The following DEFB106A variants were observed in gnomAD, a reference collection of about 807,000 sequenced individuals.
DEFB106A encodes the protein beta-defensin 106.
For synonymous variants in DEFB106A, 1 was observed against 22.5 expected (o/e 0.04, Z 2.70); for missense variants, 4 against 63.7 (o/e 0.06, Z 3.19).
intron 1 of DEFB106A, among the ~76,000 whole-genome samples, chr8:7,826,679 T>TTC (rs1365119797): frequency 7.6e-6 from 1 of 131,088 alleles, no homozygotes; most frequent in Admixed American, 8.2e-5. Flanking sequence ...TATTTTTTTT[T>TTC]TTTTTTTGAG....
chr8:7,827,543 TGTAC>T (rs1251675042), intron 1 of DEFB106A, among the ~76,000 whole-genome samples: 1 of 120,056 alleles, frequency 8.3e-6, no homozygotes, highest in Admixed American at 9.0e-5. Flanking sequence ...CATAGTATAG[TGTAC>T]ATACTAGTAT....
chr8:7,827,908 T>A (rs1313255795), intron 1 of DEFB106A, among the ~76,000 whole-genome samples: 1 of 140,348 alleles, frequency 7.1e-6, no homozygotes, highest in Non-Finnish European at 1.6e-5. Context: ...TATGAACTGA[T>A]GTGCTGATCC....
intron 1 of DEFB106A, among the ~76,000 whole-genome samples, chr8:7,827,312 T>C (rs191079929): frequency 3.6e-4 from 43 of 119,686 alleles, no homozygotes; most frequent in African/African-American, 1.1e-3. Flanking sequence ...AATACACTAG[T>C]ATATAGTATA....
In DEFB106A at chr8:7,829,041, A is replaced by C. The variant is rs1817506385; in HGVS notation, c.*88A>C. 1 of 599,852 alleles carries C rather than the reference A, an allele frequency of 1.7e-6. No homozygotes were observed. Among genetic ancestry groups the C allele is most frequent in the Admixed American group, 3.2e-5 (1 of 31,356 alleles). 37.2% of individuals were successfully genotyped at this position (599,852 alleles called of 1,614,324 possible). On this transcript the variant is annotated 3_prime_UTR_variant, in exon 2 of 2. Transcript: ENST00000335186. ...GCTGTAGGCAGACACTTTAATAAAA[A>C]TAAATGACTGTCTTTGCTCAGTTTG... is the stretch of plus-strand genomic sequence containing the variant.
intron 1 of DEFB106A, among the ~76,000 whole-genome samples, chr8:7,827,821 T>C (rs1817462069): frequency 7.1e-6 from 1 of 141,516 alleles, no homozygotes; most frequent in Non-Finnish European, 1.6e-5. Context: ...TGCCTTACAG[T>C]AGGGCAGAGA....
At chr8:7,826,399 C>T (rs1361894401) in intron 1 of DEFB106A, among the ~76,000 whole-genome samples, 20 of 149,244 alleles carry the variant, frequency 1.3e-4, no homozygotes, top group African/African-American at 4.1e-4. Flanking sequence ...TAATTAGTTA[C>T]TATAATTATT....
intron 1 of DEFB106A, among the ~76,000 whole-genome samples, chr8:7,827,325 GTATATAC>G (rs1438346190): frequency 8.2e-6 from 1 of 121,928 alleles, no homozygotes; most frequent in Admixed American, 8.9e-5. Flanking sequence ...ATAGTATAGT[GTATATAC>G]TAGTATAATA....
chr8:7,826,817 T>G (rs1226591628), intron 1 of DEFB106A, among the ~76,000 whole-genome samples: 1 of 134,848 alleles, frequency 7.4e-6, no homozygotes, highest in Admixed American at 7.9e-5. Context: ...TACAGGCATG[T>G]GCCACCTTGC....
rs1817506311 is a variant in DEFB106A, at chr8:7,829,036, T to G, written c.*83T>G. 1.7e-6 allele frequency: 1 copy of G among 599,582 alleles called. No individual in the cohort carries two copies. Among genetic ancestry groups the G allele is most frequent in the Non-Finnish European group, 2.9e-6 (1 of 345,176 alleles). The allele number at this position is 599,582 out of a possible 1,614,324, so 37.1% of individuals were successfully genotyped here. On this transcript the variant is annotated 3_prime_UTR_variant, in exon 2 of 2. Transcript: ENST00000335186. ...CCTCTGCTGTAGGCAGACACTTTAA[T>G]AAAAATAAATGACTGTCTTTGCTCA...
intron 1 of DEFB106A, among the ~76,000 whole-genome samples, chr8:7,828,230 AT>A (rs1293080558): frequency 1.3e-5 from 2 of 149,222 alleles, no homozygotes; most frequent in Non-Finnish European, 3.0e-5. Flanking sequence ...TTAGAAAAAC[AT>A]TCCCAACATG....
At chr8:7,827,118 A>G (rs1189847231) in intron 1 of DEFB106A, among the ~76,000 whole-genome samples, 17 of 118,904 alleles carry the variant, frequency 1.4e-4, no homozygotes, top group African/African-American at 4.1e-4. Context: ...ATACTAGTAT[A>G]ATACTCTAGT....
chr8:7,827,992 C>G (rs1171428751), intron 1 of DEFB106A, among the ~76,000 whole-genome samples: 4 of 137,368 alleles, frequency 2.9e-5, no homozygotes, highest in Non-Finnish European at 6.4e-5. Context: ...AATTAGGCAC[C>G]TTTATATGTT....
chr8:7,826,813 C>G (rs1817412283), intron 1 of DEFB106A, among the ~76,000 whole-genome samples: 1 of 134,816 alleles, frequency 7.4e-6, no homozygotes, highest in Non-Finnish European at 1.6e-5. Flanking sequence ...GGATTACAGG[C>G]ATGTGCCACC....
chr8:7,827,751 C>T (rs1292723685), intron 1 of DEFB106A, among the ~76,000 whole-genome samples: 3 of 138,270 alleles, frequency 2.2e-5, no homozygotes, highest in Non-Finnish European at 3.2e-5. Context: ...CTATACTAAA[C>T]CAAAAAGATT....
chr8:7,826,531 A>G (rs1817402714), intron 1 of DEFB106A, among the ~76,000 whole-genome samples: 1 of 149,208 alleles, frequency 6.7e-6, no homozygotes, highest in Non-Finnish European at 1.5e-5. Flanking sequence ...ATTAGAGAAA[A>G]TCTTTTTGGT....
At chr8:7,826,327 CA>C (rs1162021020) in intron 1 of DEFB106A, among the ~76,000 whole-genome samples, 8 of 149,504 alleles carry the variant, frequency 5.4e-5, no homozygotes, top group East Asian at 3.9e-4. Context: ...TATAATAAGT[CA>C]AAAAAAAGAT....
chr8:7,827,441 G>C (rs1303904322), intron 1 of DEFB106A, among the ~76,000 whole-genome samples: 2 of 108,198 alleles, frequency 1.8e-5, no homozygotes, highest in African/African-American at 7.1e-5. Flanking sequence ...ATATATACTA[G>C]TATAATACTC....
chr8:7,827,883 T>C (rs1268188070), intron 1 of DEFB106A, among the ~76,000 whole-genome samples: 4 of 140,494 alleles, frequency 2.8e-5, no homozygotes, highest in Admixed American at 1.5e-4. Flanking sequence ...TTTGAAATAG[T>C]GGAGTATTTT....
chr8:7,827,718 A>T (rs1409924005), intron 1 of DEFB106A, among the ~76,000 whole-genome samples: 1 of 135,572 alleles, frequency 7.4e-6, no homozygotes, highest in African/African-American at 2.5e-5. Flanking sequence ...TTTTTATAGT[A>T]TATACTAAGC....
Sources: allele counts gnomAD v4.1 joint callset (sites outside exome capture counted in the v4.1 genomes callset), GRCh38; gene constraint gnomAD v4.1.1; transcripts MANE v1.5; gene names NCBI Gene and HGNC (gene_info 2026-07-23, HGNC 2026-07-21).